G3BP2: variants seen among roughly 807,000 people sequenced by gnomAD.
G3BP2 encodes ras GTPase-activating protein-binding protein 2.
A neutral mutation model predicts 56.7 loss-of-function variants in G3BP2; 11 were observed. The ratio of observed to expected loss-of-function variants is 0.19; its 90% CI spans 0.12 to 0.32. The LOEUF (loss-of-function observed/expected upper bound fraction) is 0.32, where lower values mean the gene tolerates loss of function less well. Ranked by LOEUF, G3BP2 falls within the 10% of genes least tolerant of loss-of-function variation. The probability of loss-of-function intolerance (pLI) is 1.00; values close to 1 mark genes in which losing one functional copy is unlikely to be tolerated. For synonymous variants in G3BP2, 165 were observed against 191.6 expected (o/e 0.86, Z 1.15); for missense variants, 340 against 610.9 (o/e 0.56, Z 4.67).
At chr4:75,654,609 G>C (rs1339383534) in intron 7 of G3BP2, among the ~76,000 whole-genome samples, 1 of 152,228 alleles carries the variant, frequency 6.6e-6, no homozygotes, top group African/African-American at 2.4e-5. Context: ...CACTAAGGAT[G>C]TCACTCATCT....
intron 3 of G3BP2, among the ~76,000 whole-genome samples, chr4:75,702,815 A>G (rs1719399345): frequency 6.6e-6 from 1 of 152,190 alleles, no homozygotes; most frequent in South Asian, 2.1e-4. Context: ...CATGAAGTAA[A>G]CTGCACTATA....
chr4:75,673,880 A>C, upstream of G3BP2: 1 of 186,818 alleles, frequency 5.4e-6, no homozygotes, highest in Non-Finnish European at 1.1e-5. Context: ...TTGCACACTA[A>C]ACTCACCTAC....
At position 75,684,386 on chromosome 4, in the gene G3BP2, C is replaced by G. The variant is rs76564860; in HGVS notation, c.-24-22337G>C. Among the ~76,000 whole-genome samples the G allele has an allele frequency of 6.6e-5, 10 of 151,590 alleles. No individual in the cohort carries two copies. The East Asian group carries it at 1.7e-3, about 26-fold the overall frequency. On this transcript the variant is annotated intron_variant, in intron 3 of 3. Coordinates refer to the G3BP2 transcript ENST00000499709. ...CACCACTGCACTCTGGCCTGGGCGACAGAGTTAGACTTTGTCAAAAAATAA... is the reference window on the plus strand; with the variant it reads ...CACCACTGCACTCTGGCCTGGGCGAGAGAGTTAGACTTTGTCAAAAAATAA...
intron 3 of G3BP2, among the ~76,000 whole-genome samples, chr4:75,712,605 A>G (rs960837039): frequency 6.6e-6 from 1 of 152,200 alleles, no homozygotes; most frequent in African/African-American, 2.4e-5. Flanking sequence ...TATAAAGCTG[A>G]GCAAATGCCA....
intron 3 of G3BP2, among the ~76,000 whole-genome samples, chr4:75,701,459 C>T (rs1719341675): frequency 6.8e-6 from 1 of 146,346 alleles, no homozygotes; most frequent in Non-Finnish European, 1.5e-5. Context: ...TGGAGTTTCG[C>T]TCTTGTTGCC....
chr4:75,675,669 G>A (rs1319809546), upstream of G3BP2, among the ~76,000 whole-genome samples: 1 of 152,198 alleles, frequency 6.6e-6, no homozygotes, highest in African/African-American at 2.4e-5. Context: ...GCGCATGCCT[G>A]TAATCCCAGC....
At chr4:75,717,493 C>G (rs1719974352) in intron 3 of G3BP2, among the ~76,000 whole-genome samples, 1 of 152,152 alleles carries the variant, frequency 6.6e-6, no homozygotes, top group African/African-American at 2.4e-5. Context: ...CTGTCACTCC[C>G]TCCTGCCACA....
upstream of G3BP2, among the ~76,000 whole-genome samples, chr4:75,676,689 G>C (rs1733889766): frequency 1.3e-5 from 2 of 152,158 alleles, 1 homozygote; most frequent in African/African-American, 4.8e-5. Flanking sequence ...TAGTAGTCCA[G>C]GCCACCATTG....
chr4:75,714,563 G>T (rs551831272), intron 3 of G3BP2, among the ~76,000 whole-genome samples: 7 of 152,112 alleles, frequency 4.6e-5, no homozygotes, highest in Non-Finnish European at 1.0e-4. Flanking sequence ...GGGAGGCGAA[G>T]GTTGCAGTGA....
chr4:75,657,857 A>C, intron 3 of G3BP2, 127 bp from the exon 4 acceptor site: 2 of 608,972 alleles, frequency 3.3e-6, no homozygotes. Flanking sequence ...AACTGAATCC[A>C]ACGACCATGC....
intron 3 of G3BP2, among the ~76,000 whole-genome samples, chr4:75,705,454 G>T (rs1368354401): frequency 6.6e-6 from 1 of 152,210 alleles, no homozygotes; most frequent in Non-Finnish European, 1.5e-5. Context: ...CCTGTGTATT[G>T]TCTCTAGTCG....
At position 75,643,479 on chromosome 4, in the gene G3BP2, G is replaced by GA. The variant is rs71695077; in HGVS notation, c.*1950dup. 24,755 of 138,136 alleles carry GA rather than the reference G, an allele frequency of 0.18. 2,165 individuals carry two copies. The highest frequency in any genetic ancestry group is 0.35 in the South Asian group (1,605 of 4,524). The allele number at this position is 138,136 out of a possible 1,614,324, so 8.6% of individuals were successfully genotyped here. A position where few individuals can be genotyped will look rare whatever the true frequency, so the allele number is the denominator to read the frequency against. ...AGAAAGTATAAAACTGTTTCAAACA[G>GA]AAAAAAAAAAAATCCTTAAGCCCCC... is the stretch of plus-strand genomic sequence containing the variant. On this transcript the variant is annotated 3_prime_UTR_variant, in exon 12 of 12. Coordinates refer to ENST00000359707, the MANE Select transcript of G3BP2 (RefSeq NM_203505.3).
Position 75,649,726 on chromosome 4 carries a change from C to G in G3BP2, c.826-985G>C, listed in dbSNP as rs1461072294. ...ACTCAGAAAGCTAGTAATTTCAGTC[C>G]CATCTTTAAAGATGGTCATCTCCAT... On this transcript the variant is annotated intron_variant, in intron 8 of 11. Transcript: ENST00000359707. Among the ~76,000 whole-genome samples the G allele has an allele frequency of 2.6e-5, 4 of 152,120 alleles. No individual in the cohort carries two copies. The East Asian group carries it at 7.7e-4, about 29-fold the overall frequency.
chr4:75,700,150 T>A (rs1719282056), intron 3 of G3BP2, among the ~76,000 whole-genome samples: 1 of 152,114 alleles, frequency 6.6e-6, no homozygotes, highest in East Asian at 2.0e-4. Flanking sequence ...GACTCCCTGG[T>A]TCAAGCTTTT....
At chr4:75,710,690 G>A (rs1289401127) in intron 3 of G3BP2, among the ~76,000 whole-genome samples, 3 of 151,912 alleles carry the variant, frequency 2.0e-5, no homozygotes, top group African/African-American at 7.3e-5. Flanking sequence ...TTTCAGGAAC[G>A]GGGTCTCACT....
At chr4:75,677,864 G>A (rs1004559880), upstream of G3BP2, among the ~76,000 whole-genome samples, 7 of 152,182 alleles carry the variant, frequency 4.6e-5, no homozygotes, top group African/African-American at 1.2e-4. Flanking sequence ...CAATGCAAAA[G>A]TATTAAAAGG....
At chr4:75,650,410 G>A (rs1221270167) in intron 8 of G3BP2, among the ~76,000 whole-genome samples, 2 of 93,996 alleles carry the variant, frequency 2.1e-5, no homozygotes, top group African/African-American at 4.7e-5. Context: ...TGGGCAACAA[G>A]AGAGAAACTC....
At chr4:75,694,590 C>T (rs989841529) in intron 3 of G3BP2, among the ~76,000 whole-genome samples, 4 of 151,940 alleles carry the variant, frequency 2.6e-5, no homozygotes, top group African/African-American at 7.3e-5. Flanking sequence ...GACGACAGGG[C>T]GAGACTCCGT....
At chr4:75,699,420 C>T (rs1719243672) in intron 3 of G3BP2, among the ~76,000 whole-genome samples, 3 of 152,174 alleles carry the variant, frequency 2.0e-5, no homozygotes, top group African/African-American at 7.2e-5. Context: ...TTCCATTGTA[C>T]AGAAGAAGAG....
Sources: gnomAD v4.1 joint callset for allele counts (sites outside exome capture counted in the v4.1 genomes callset) on GRCh38, gnomAD v4.1.1 for gene constraint, MANE v1.5 for transcripts, NCBI Gene and HGNC (gene_info 2026-07-23, HGNC 2026-07-21) for gene names.